Variants in NPAS3 observed in about 807,000 individuals in gnomAD.
NPAS3 encodes the protein neuronal PAS domain protein 3.
A neutral mutation model predicts 73.1 loss-of-function variants in NPAS3; 14 were observed. The observed-to-expected ratio is 0.19, with a 90% CI of 0.13 to 0.30. The LOEUF (loss-of-function observed/expected upper bound fraction) is 0.30. NPAS3 is among the 10% of genes least tolerant of loss of function. NPAS3 has a pLI of 1.00. For synonymous variants in NPAS3, 620 were observed against 541.5 expected, an observed-to-expected ratio of 1.14 and a Z score of -2.01; for missense variants, 1,096 against 1,250.0, an observed-to-expected ratio of 0.88 and a Z score of 1.86.
intron 3 of NPAS3, among the ~76,000 whole-genome samples, chr14:33,332,870 C>G (rs2044047872): frequency 6.6e-6 from 1 of 152,332 alleles, no homozygotes; most frequent in Admixed American, 6.5e-5. Flanking sequence ...TTATAATGAC[C>G]TGCAAGGTTA....
At chr14:33,584,960 G>A (rs1595212199) in intron 5 of NPAS3, among the ~76,000 whole-genome samples, 1 of 152,148 alleles carries the variant, frequency 6.6e-6, no homozygotes, top group Admixed American at 6.5e-5. Context: ...AATGAATGGG[G>A]GAATGTGAAG....
chr14:32,972,728 A>G (rs1272841314), intron 1 of NPAS3, among the ~76,000 whole-genome samples: 1 of 152,206 alleles, frequency 6.6e-6, no homozygotes, highest in Non-Finnish European at 1.5e-5. Context: ...TAGATCCTTC[A>G]TATTTCTTTG....
At chr14:33,243,966 G>A (rs2139844110) in intron 3 of NPAS3, among the ~76,000 whole-genome samples, 1 of 152,216 alleles carries the variant, frequency 6.6e-6, no homozygotes, top group South Asian at 2.1e-4. Flanking sequence ...TTGATGTTTA[G>A]AAAGGAATAA....
intron 6 of NPAS3, among the ~76,000 whole-genome samples, chr14:33,731,030 C>G (rs768498539): frequency 6.6e-6 from 1 of 152,156 alleles, no homozygotes; most frequent in Non-Finnish European, 1.5e-5. Flanking sequence ...TGAGGAGTAA[C>G]ATTTCTCAAA....
At chr14:33,285,195 G>A (rs189162412) in intron 3 of NPAS3, among the ~76,000 whole-genome samples, 373 of 152,256 alleles carry the variant, frequency 2.4e-3, no homozygotes, top group African/African-American at 8.6e-3. Context: ...CAAATGGCAT[G>A]AGGAATGAAA....
chr14:33,487,056 T>A (rs2051640744), intron 4 of NPAS3, among the ~76,000 whole-genome samples: 1 of 152,166 alleles, frequency 6.6e-6, no homozygotes, highest in African/African-American at 2.4e-5. Flanking sequence ...GAGTCTAAAA[T>A]AATTGGTACG....
rs192288984 is a variant in NPAS3 at position 33,212,734 on chromosome 14, G to A, written c.141-2448G>A. On this transcript the variant is annotated intron_variant, in intron 2 of 11. Coordinates refer to ENST00000356141, the Ensembl canonical transcript of NPAS3. Reference sequence around the variant, plus strand: ...CATTAATATCAATTTCAGAATAATTGCTTAATCTTCTACTTTGCTTCAGTT... The same window carrying A: ...CATTAATATCAATTTCAGAATAATTACTTAATCTTCTACTTTGCTTCAGTT... Among the ~76,000 whole-genome samples the A allele has an allele frequency of 1.2e-3, 185 of 152,118 alleles. 1 individual carries two copies. Among genetic ancestry groups the A allele is most frequent in the African/African-American group, 4.3e-3 (178 of 41,470 alleles).
chr14:32,952,411 G>A (rs1194364051), intron 1 of NPAS3, among the ~76,000 whole-genome samples: 1 of 152,054 alleles, frequency 6.6e-6, no homozygotes. Flanking sequence ...TTCAGAGTTA[G>A]GGGTGAACTT....
chr14:33,059,632 T>C (rs1311455784), intron 2 of NPAS3, among the ~76,000 whole-genome samples: 1 of 152,244 alleles, frequency 6.6e-6, no homozygotes, highest in African/African-American at 2.4e-5. Context: ...CAATAATGTC[T>C]GTGTTTTCGC....
At chr14:33,290,185 T>C (rs1185579660) in intron 3 of NPAS3, among the ~76,000 whole-genome samples, 4 of 152,244 alleles carry the variant, frequency 2.6e-5, no homozygotes, top group Non-Finnish European at 4.4e-5. Context: ...TGTCCACTAT[T>C]AGCCTGAAGG....
chr14:33,067,285 C>G (rs2041314188), intron 2 of NPAS3, among the ~76,000 whole-genome samples: 1 of 152,106 alleles, frequency 6.6e-6, no homozygotes, highest in Admixed American at 6.5e-5. Flanking sequence ...GAAGCCATGC[C>G]CATAGAAAAA....
chr14:33,742,846 G>A (rs745586587), intron 7 of NPAS3, among the ~76,000 whole-genome samples: 3 of 152,092 alleles, frequency 2.0e-5, no homozygotes, highest in Non-Finnish European at 2.9e-5. Flanking sequence ...AATGGCCATG[G>A]CATCTTCACC....
At chr14:33,113,275 T>C (rs1296894) in intron 2 of NPAS3, among the ~76,000 whole-genome samples, 99,983 of 151,906 alleles carry the variant, frequency 0.66, 33,501 homozygotes, top group East Asian at 0.8. Flanking sequence ...GCCATTTTCA[T>C]GATATTGATT....
At chr14:33,503,053 G>A (rs537381849) in intron 4 of NPAS3, among the ~76,000 whole-genome samples, 2 of 152,014 alleles carry the variant, frequency 1.3e-5, no homozygotes, top group African/African-American at 2.4e-5. Context: ...AAAATGGCAT[G>A]TATTAAGTTC....
chr14:33,566,473 T>C (rs913071102), intron 5 of NPAS3, among the ~76,000 whole-genome samples: 1 of 151,974 alleles, frequency 6.6e-6, no homozygotes, highest in African/African-American at 2.4e-5. Flanking sequence ...CCCTTCCAAA[T>C]AGGCAAACAC....
At chr14:33,310,832 C>CAG (rs1199062099) in intron 3 of NPAS3, among the ~76,000 whole-genome samples, 4 of 134,756 alleles carry the variant, frequency 3.0e-5, no homozygotes, top group African/African-American at 1.1e-4. Flanking sequence ...CACACACACA[C>CAG]ACAAATACTT....
chr14:33,479,125 T>A (rs1475352592), intron 4 of NPAS3, among the ~76,000 whole-genome samples: 1 of 152,204 alleles, frequency 6.6e-6, no homozygotes, highest in Admixed American at 6.5e-5. Flanking sequence ...ACGACATTAT[T>A]GTTAAACCAA....
intron 2 of NPAS3, chr14:33,213,609 A>C (rs1301289174): frequency 6.6e-6 from 1 of 152,194 alleles, no homozygotes; most frequent in African/African-American, 2.4e-5. Context: ...GTGACAAAAC[A>C]TGTCTTTTCC....
intron 4 of NPAS3, among the ~76,000 whole-genome samples, chr14:33,485,176 T>C: frequency 6.6e-6 from 1 of 152,154 alleles, no homozygotes; most frequent in Non-Finnish European, 1.5e-5. Context: ...AAGAATCTCT[T>C]ATGGATTCCT....
Sources: gnomAD v4.1 joint callset for allele counts (sites outside exome capture counted in the v4.1 genomes callset) on GRCh38, gnomAD v4.1.1 for gene constraint, MANE v1.5 for transcripts, NCBI Gene and HGNC (gene_info 2026-07-23, HGNC 2026-07-21) for gene names.